SBNO1: variants seen among roughly 807,000 people sequenced by gnomAD.
SBNO1 encodes the protein protein strawberry notch homolog 1.
A neutral mutation model predicts 173.6 loss-of-function variants in SBNO1; 23 were observed. The observed-to-expected ratio is 0.13, with a 90% CI of 0.10 to 0.19. The LOEUF is 0.19. SBNO1 is among the 10% of genes least tolerant of loss of function. SBNO1 has a pLI of 1.00. For missense variants in SBNO1, 1,238 were observed against 1,671.2 expected (o/e 0.74, Z 4.52); for synonymous variants, 632 against 571.5 (o/e 1.11, Z -1.51).
chr12:123,345,392 A>T lies in SBNO1; in HGVS notation c.416T>A (p.Val139Glu). Residue 139 changes from valine (V) to glutamate (E), a missense_variant, in exon 4 of 32, where the codon GTA becomes GAA. Transcript: ENST00000602398. ...AGGTGCAGAGGTCATGGCATTTCGT[A>T]CTGTTGGTGCTGAGACTGACGGGCG... is the stretch of plus-strand genomic sequence containing the variant. The part of the protein sequence containing the change: ...STRPSVSAPT[V>E]RNAMTSAPSK... 6.2e-7 allele frequency: 1 copy of T among 1,614,174 alleles called. No homozygotes were observed. The highest frequency in any genetic ancestry group is 8.5e-7 in the Non-Finnish European group (1 of 1,180,040).
chr12:123,306,634 A>T (rs2048921524), intron 28 of SBNO1, among the ~76,000 whole-genome samples: 2 of 152,134 alleles, frequency 1.3e-5, no homozygotes, highest in South Asian at 4.1e-4. Context: ...GAGAGGATGG[A>T]TCAAGCCCAG....
At chr12:123,351,527 T>A (rs548480984) in intron 1 of SBNO1, among the ~76,000 whole-genome samples, 1 of 151,994 alleles carries the variant, frequency 6.6e-6, no homozygotes, top group Non-Finnish European at 1.5e-5. Flanking sequence ...CTTGGGAGGA[T>A]GGCTTAAGCC....
chr12:123,344,724 C>T, intron 4 of SBNO1, among the ~76,000 whole-genome samples: 1 of 152,126 alleles, frequency 6.6e-6, no homozygotes, highest in East Asian at 1.9e-4. Context: ...TGGCAAGCAC[C>T]TCTAATTCCA....
At chr12:123,311,314 A>G (rs1285271771) in intron 24 of SBNO1, among the ~76,000 whole-genome samples, 185 bp from the exon 25 acceptor site, 2 of 152,218 alleles carry the variant, frequency 1.3e-5, no homozygotes, top group African/African-American at 2.4e-5. Context: ...TGACCTAAGA[A>G]GGTGAGAATG....
intron 28 of SBNO1, among the ~76,000 whole-genome samples, chr12:123,306,249 C>T (rs190694076): frequency 1.8e-3 from 267 of 152,304 alleles, no homozygotes; most frequent in African/African-American, 6.1e-3. Flanking sequence ...TGGGCTCTGT[C>T]TTGACAGTGT....
At chr12:123,344,047 G>C (rs562767019) in intron 4 of SBNO1, among the ~76,000 whole-genome samples, 1 of 152,094 alleles carries the variant, frequency 6.6e-6, no homozygotes, top group Non-Finnish European at 1.5e-5. Flanking sequence ...CCCTCACAAT[G>C]GCATACATCC....
At chr12:123,323,976 A>G in intron 15 of SBNO1, 145 bp from the exon 16 acceptor site, 1 of 546,930 alleles carries the variant, frequency 1.8e-6, no homozygotes. Context: ...TTTCTAGCCC[A>G]AAGCTGTCCA....
chr12:123,315,079 A>T (rs967826821), intron 23 of SBNO1, among the ~76,000 whole-genome samples: 1 of 152,140 alleles, frequency 6.6e-6, no homozygotes, highest in African/African-American at 2.4e-5. Flanking sequence ...TCATGTCTCT[A>T]CACATAAAAA....
At chr12:123,349,293 G>A (rs1873604819) in intron 2 of SBNO1, among the ~76,000 whole-genome samples, 1 of 152,082 alleles carries the variant, frequency 6.6e-6, no homozygotes, top group African/African-American at 2.4e-5. Context: ...GTAGAGACAA[G>A]GTCTTGCTAC....
intron 10 of SBNO1, 51 bp downstream of exon 10, chr12:123,328,683 T>C (rs775958399): frequency 1.3e-5 from 18 of 1,365,394 alleles, no homozygotes; most frequent in South Asian, 1.8e-5. Flanking sequence ...TCTACCCTTT[T>C]ATAATTTTCT....
chr12:123,353,525 G>A (rs932112764), intron 1 of SBNO1, among the ~76,000 whole-genome samples: 3 of 152,046 alleles, frequency 2.0e-5, no homozygotes, highest in African/African-American at 7.2e-5. Flanking sequence ...ATAACATGAA[G>A]GAAATGAATG....
chr12:123,322,631 C>T (rs1244737190), intron 16 of SBNO1, among the ~76,000 whole-genome samples: 1 of 151,446 alleles, frequency 6.6e-6, no homozygotes. Context: ...CAGGGCTGGG[C>T]GAGATGGCTC....
intron 1 of SBNO1, among the ~76,000 whole-genome samples, chr12:123,362,305 G>T (rs542281621): frequency 1.3e-5 from 2 of 150,980 alleles, no homozygotes; most frequent in Non-Finnish European, 2.9e-5. Context: ...GCGTGGCAGC[G>T]GGCACCTGTA....
chr12:123,307,203 C>A (rs544571954), intron 28 of SBNO1, among the ~76,000 whole-genome samples: 4 of 151,824 alleles, frequency 2.6e-5, no homozygotes, highest in Non-Finnish European at 4.4e-5. Context: ...TTACAAAAAA[C>A]AAAACCAAAC....
At chr12:123,346,021 C>T (rs566766920) in intron 3 of SBNO1, among the ~76,000 whole-genome samples, 7 of 152,248 alleles carry the variant, frequency 4.6e-5, no homozygotes, top group East Asian at 3.9e-4. Context: ...CCAAGTTAAA[C>T]GGACAACTTT....
In SBNO1 at chr12:123,311,716, C is replaced by CTA. The variant is rs1168115569; in HGVS notation, c.3221-589_3221-588dup. ...CCTATCTATCTATCTATCTATCTAT[C>CTA]TATCTATATATATATATATATATAT... On this transcript the variant is annotated intron_variant, in intron 24 of 31. Coordinates refer to ENST00000602398, the MANE Select transcript of SBNO1 (RefSeq NM_001167856.3). Among the ~76,000 whole-genome samples the CTA allele has an allele frequency of 4.8e-3, 293 of 60,892 alleles. 1 individual carries two copies. The highest frequency in any genetic ancestry group is 0.015 in the African/African-American group (264 of 18,182). The allele number at this position is 60,892 out of a possible 152,430, so 39.9% of individuals were successfully genotyped here.
rs59707673 is a variant in SBNO1 at position 123,327,353 on chromosome 12, G to A, written c.1692+73C>T. ...TACATTCCCATGGGCAGGAGGCATC[G>A]CAATCGCCAAAACTAACAGAAACAT... is the stretch of plus-strand genomic sequence containing the variant. On this transcript the variant is annotated intron_variant, in intron 13 of 31. Coordinates refer to ENST00000602398, the MANE Select transcript of SBNO1 (RefSeq NM_001167856.3). The A allele has an allele frequency of 0.016, 20,262 of 1,281,406 alleles. 2,207 individuals are homozygous for A. In the African/African-American group the frequency reaches 0.25, roughly 16 times the overall value. 79.4% of individuals were successfully genotyped at this position (1,281,406 alleles called of 1,614,324 possible).
intron 1 of SBNO1, among the ~76,000 whole-genome samples, chr12:123,351,005 C>G (rs1231759744): frequency 6.6e-6 from 1 of 152,078 alleles, no homozygotes; most frequent in Non-Finnish European, 1.5e-5. Context: ...GCCTGTAATC[C>G]CAGCTTCTCT....
Position 123,294,832 on chromosome 12 carries a change from G to T in SBNO1, c.*1076C>A, listed in dbSNP as rs182435342. 2 of 152,284 alleles carry T rather than the reference G, an allele frequency of 1.3e-5. No homozygotes were observed. The highest frequency in any genetic ancestry group is 2.1e-4 in the South Asian group (1 of 4,840). 9.4% of individuals were successfully genotyped at this position (152,284 alleles called of 1,614,324 possible). A position where few individuals can be genotyped will look rare whatever the true frequency, so the allele number is the denominator to read the frequency against. ...TTTAACAGCTTGAGATAAACTCTACGTCTTACAACACATTAAACAATATTC... is the reference window on the plus strand; with the variant it reads ...TTTAACAGCTTGAGATAAACTCTACTTCTTACAACACATTAAACAATATTC... On this transcript the variant is annotated 3_prime_UTR_variant, in exon 32 of 32. Transcript: ENST00000602398.
Sources: allele counts gnomAD v4.1 joint callset (sites outside exome capture counted in the v4.1 genomes callset), GRCh38; gene constraint gnomAD v4.1.1; transcripts MANE v1.5; gene names NCBI Gene and HGNC (gene_info 2026-07-23, HGNC 2026-07-21).